Variants in GPHN observed in about 807,000 individuals in gnomAD.
The protein encoded by GPHN is gephyrin.
GPHN carries 17 observed loss-of-function variants against 95.5 expected under a neutral mutation model. That is an observed-to-expected ratio of 0.18 (90% confidence interval 0.12 to 0.27). The LOEUF (loss-of-function observed/expected upper bound fraction) is 0.27, where lower values mean the gene tolerates loss of function less well. Ranked by LOEUF, GPHN falls within the 10% of genes least tolerant of loss-of-function variation. The probability of loss-of-function intolerance (pLI) is 1.00; values close to 1 mark genes in which losing one functional copy is unlikely to be tolerated. For synonymous variants in GPHN, 320 were observed against 322.5 expected, an observed-to-expected ratio of 0.99 and a Z score of 0.08; for missense variants, 660 against 978.1, an observed-to-expected ratio of 0.67 and a Z score of 4.34.
At chr14:67,562,079 T>G in the GPHN span, 1 of 1,606,348 alleles carries the variant, frequency 6.2e-7, no homozygotes, top group Non-Finnish European at 8.5e-7. Context: ...GTGTGTTTGG[T>G]GGGTATGGGG....
chr14:67,340,639 G>A, the GPHN span: 2 of 802,624 alleles, frequency 2.5e-6, no homozygotes, highest in Non-Finnish European at 4.0e-6. Flanking sequence ...ATTTAATGCA[G>A]AGAACTTGGA....
chr14:67,337,422 G>T, the GPHN span: 5 of 152,088 alleles, frequency 3.3e-5, no homozygotes, highest in Non-Finnish European at 5.9e-5. Context: ...TGAAGCAGGA[G>T]AATCTCTTGA....
At chr14:66,850,386 C>G (rs2062530717) in intron 4 of GPHN, among the ~76,000 whole-genome samples, 2 of 152,240 alleles carry the variant, frequency 1.3e-5, no homozygotes, top group Non-Finnish European at 2.9e-5. Context: ...ATAAACTTCT[C>G]TGACATGTAG....
the GPHN span, among the ~76,000 whole-genome samples, chr14:67,658,110 G>A: frequency 2.0e-5 from 3 of 152,264 alleles, no homozygotes; most frequent in South Asian, 2.1e-4. Context: ...ACCACTGAAT[G>A]AGGTTCAAAT....
chr14:67,007,558 G>A (rs1163197061), intron 9 of GPHN, among the ~76,000 whole-genome samples: 1 of 152,124 alleles, frequency 6.6e-6, no homozygotes, highest in Non-Finnish European at 1.5e-5. Flanking sequence ...AAATAATCTG[G>A]GGTTATTCAT....
the GPHN span, among the ~76,000 whole-genome samples, chr14:67,458,403 G>T: frequency 6.6e-6 from 1 of 152,156 alleles, no homozygotes; most frequent in East Asian, 1.9e-4. Context: ...TGCCAGACCC[G>T]CAGCGTGCCG....
At chr14:67,156,332 C>T (rs114225455) in intron 18 of GPHN, among the ~76,000 whole-genome samples, 1,698 of 151,834 alleles carry the variant, frequency 0.011, 24 homozygotes, top group African/African-American at 0.038. Context: ...CATGCACATA[C>T]GTATATGCTT....
At position 67,179,540 on chromosome 14, in the gene GPHN, G is replaced by T. The variant is rs2273836; in HGVS notation, c.2080-38G>T. The T allele has an allele frequency of 0.056, 66,626 of 1,183,318 alleles. 2,087 individuals carry two copies. The highest frequency in any genetic ancestry group is 0.077 in the Middle Eastern group (391 of 5,054). The allele number at this position is 1,183,318 out of a possible 1,614,324, so 73.3% of individuals were successfully genotyped here. A position where few individuals can be genotyped will look rare whatever the true frequency, so the allele number is the denominator to read the frequency against. On this transcript the variant is annotated intron_variant, in intron 21 of 22. Transcript: ENST00000478722. ...TCTTGTATTTTTGTGAGATGATCAG[G>T]TGACCAAGTTTGTTTTCTTTTCTAC...
chr14:67,557,020 C>T, the GPHN span, among the ~76,000 whole-genome samples: 1 of 152,220 alleles, frequency 6.6e-6, no homozygotes, highest in Non-Finnish European at 1.5e-5. Context: ...GTCTCCTCTG[C>T]CCTCCTCTTA....
At chr14:67,409,563 A>G in the GPHN span, among the ~76,000 whole-genome samples, 1 of 151,454 alleles carries the variant, frequency 6.6e-6, no homozygotes, top group Non-Finnish European at 1.5e-5. Context: ...CAGGAAAAGC[A>G]CTCCTGCTCA....
intron 17 of GPHN, among the ~76,000 whole-genome samples, chr14:67,138,654 A>T (rs897605300): frequency 1.3e-5 from 2 of 152,112 alleles, no homozygotes; most frequent in South Asian, 2.1e-4. Flanking sequence ...TTATACTGTT[A>T]TGTTGGAAAT....
intron 21 of GPHN, among the ~76,000 whole-genome samples, chr14:67,174,912 A>T (rs1424660960): frequency 3.3e-5 from 5 of 152,048 alleles, no homozygotes; most frequent in Non-Finnish European, 7.4e-5. Context: ...TCCTTTGCCC[A>T]CTTTTTGATG....
At chr14:66,879,053 T>G (rs1245491246) in intron 4 of GPHN, among the ~76,000 whole-genome samples, 1 of 152,132 alleles carries the variant, frequency 6.6e-6, no homozygotes, top group African/African-American at 2.4e-5. Context: ...TTATGTCCTT[T>G]GCAGGGACAT....
chr14:67,235,458 G>T, the GPHN span, among the ~76,000 whole-genome samples: 1 of 152,130 alleles, frequency 6.6e-6, no homozygotes, highest in African/African-American at 2.4e-5. Flanking sequence ...GCTCACGCTT[G>T]TAATCCCAGC....
At chr14:66,854,941 G>C (rs189777557) in intron 4 of GPHN, among the ~76,000 whole-genome samples, 2 of 150,988 alleles carry the variant, frequency 1.3e-5, no homozygotes, top group African/African-American at 4.9e-5. Flanking sequence ...TCTGCCCCCC[G>C]GATTCAAGCG....
intron 1 of GPHN, among the ~76,000 whole-genome samples, chr14:66,678,671 A>G (rs184597552): frequency 2.0e-5 from 3 of 152,180 alleles, no homozygotes; most frequent in Admixed American, 2.0e-4. Flanking sequence ...CCCTACATTG[A>G]TAACTGTGTA....
At chr14:67,692,891 A>T in the GPHN span, 1 of 1,306,842 alleles carries the variant, frequency 7.7e-7, no homozygotes, top group Admixed American at 1.8e-5. Flanking sequence ...TGTGAGGGGT[A>T]AAACAGCAGT....
At chr14:67,442,668 C>T in the GPHN span, among the ~76,000 whole-genome samples, 1 of 152,156 alleles carries the variant, frequency 6.6e-6, no homozygotes, top group Non-Finnish European at 1.5e-5. Context: ...AGATACTGTT[C>T]AGGGACAGCA....
chr14:67,660,835 G>C, the GPHN span, among the ~76,000 whole-genome samples: 2 of 152,190 alleles, frequency 1.3e-5, no homozygotes, highest in Non-Finnish European at 2.9e-5. Context: ...GTAGCAGCTA[G>C]AAGATTTTAA....
Sources: gnomAD v4.1 joint callset for allele counts (sites outside exome capture counted in the v4.1 genomes callset) on GRCh38, gnomAD v4.1.1 for gene constraint, MANE v1.5 for transcripts, NCBI Gene and HGNC (gene_info 2026-07-23, HGNC 2026-07-21) for gene names.